LRRC4C: variants seen among roughly 807,000 people sequenced by gnomAD.
LRRC4C encodes leucine rich repeat containing 4C.
A neutral mutation model predicts 33.6 loss-of-function variants in LRRC4C; 5 were observed. That is an observed-to-expected ratio of 0.15 (90% confidence interval 0.08 to 0.31). LRRC4C has a LOEUF of 0.31. Among genes scored for constraint, LRRC4C ranks in the 10% least tolerant of loss-of-function variants. The pLI, the probability that LRRC4C is intolerant of heterozygous loss-of-function variation, is 1.00. For synonymous variants in LRRC4C, 329 were observed against 302.0 expected (o/e 1.09, Z -0.93); for missense variants, 560 against 796.7 (o/e 0.70, Z 3.58).
At chr11:40,527,577 G>A (rs968676321) in intron 3 of LRRC4C, among the ~76,000 whole-genome samples, 2 of 152,086 alleles carry the variant, frequency 1.3e-5, no homozygotes, top group African/African-American at 4.8e-5. Flanking sequence ...TTGCACAATA[G>A]GATGGATGGC....
intron 1 of LRRC4C, among the ~76,000 whole-genome samples, chr11:41,256,991 G>C (rs1445632763): frequency 6.6e-6 from 1 of 151,928 alleles, no homozygotes; most frequent in Admixed American, 6.6e-5. Context: ...TAAGAAGCTT[G>C]ATAGAAAATA....
intron 1 of LRRC4C, among the ~76,000 whole-genome samples, chr11:41,451,375 TTGTG>T (rs143793387): frequency 7.3e-4 from 110 of 151,076 alleles, no homozygotes; most frequent in Non-Finnish European, 1.3e-3. Context: ...GATATAGATT[TTGTG>T]TGTGTGTGTG....
intron 5 of LRRC4C, among the ~76,000 whole-genome samples, chr11:40,172,498 C>T (rs1423569199): frequency 6.6e-6 from 1 of 152,116 alleles, no homozygotes; most frequent in African/African-American, 2.4e-5. Flanking sequence ...TGAAATAAAT[C>T]CAAATTCTTT....
intron 1 of LRRC4C, among the ~76,000 whole-genome samples, chr11:41,244,190 T>G (rs11036315): frequency 0.18 from 27,393 of 150,322 alleles, 3,024 homozygotes; most frequent in East Asian, 0.44. Flanking sequence ...TCTATCTATC[T>G]ATCGATCGTA....
chr11:41,048,047 T>C (rs1857904601), intron 1 of LRRC4C, among the ~76,000 whole-genome samples: 1 of 152,194 alleles, frequency 6.6e-6, no homozygotes, highest in Admixed American at 6.5e-5. Context: ...GTCCCTGCCA[T>C]AACTTTTCTA....
intron 3 of LRRC4C, among the ~76,000 whole-genome samples, chr11:40,441,416 ACGATT>A (rs765288277): frequency 1.3e-5 from 2 of 152,202 alleles, no homozygotes; most frequent in Non-Finnish European, 2.9e-5. Context: ...GTTGTTTAGT[ACGATT>A]CGCTGTAACT....
chr11:40,791,178 G>A (rs1465222467), intron 2 of LRRC4C, among the ~76,000 whole-genome samples: 1 of 152,134 alleles, frequency 6.6e-6, no homozygotes, highest in African/African-American at 2.4e-5. Context: ...CCTGGTATAT[G>A]GGAATAAAGT....
At chr11:41,167,121 C>G (rs1393779435) in intron 1 of LRRC4C, among the ~76,000 whole-genome samples, 3 of 152,020 alleles carry the variant, frequency 2.0e-5, no homozygotes, top group Admixed American at 1.3e-4. Context: ...TAGATATATA[C>G]AGATGATATA....
chr11:41,273,131 G>C (rs922536820), intron 1 of LRRC4C, among the ~76,000 whole-genome samples: 21 of 152,084 alleles, frequency 1.4e-4, no homozygotes, highest in Non-Finnish European at 2.9e-4. Flanking sequence ...ATAAGGAAAA[G>C]GTAAAGTATA....
intron 2 of LRRC4C, among the ~76,000 whole-genome samples, chr11:40,684,203 ATATAT>A (rs1944843802): frequency 6.6e-6 from 1 of 152,178 alleles, no homozygotes; most frequent in Non-Finnish European, 1.5e-5. Context: ...TGTATGTTAC[ATATAT>A]TATAGACATA....
chr11:41,152,074 A>G (rs1205331195), intron 1 of LRRC4C, among the ~76,000 whole-genome samples: 2 of 152,090 alleles, frequency 1.3e-5, no homozygotes, highest in African/African-American at 4.8e-5. Flanking sequence ...TTCTCTGTTC[A>G]CTGTCCACGT....
chr11:40,992,526 C>T (rs1457328114), intron 1 of LRRC4C, among the ~76,000 whole-genome samples: 2 of 151,350 alleles, frequency 1.3e-5, no homozygotes, highest in African/African-American at 2.4e-5. Context: ...ATTTTCCTGA[C>T]CCTTATCAGA....
intron 1 of LRRC4C, among the ~76,000 whole-genome samples, chr11:41,032,572 A>G (rs1856792538): frequency 6.6e-6 from 1 of 152,036 alleles, no homozygotes; most frequent in African/African-American, 2.4e-5. Flanking sequence ...ATATTTTCCA[A>G]AATTGGTTCA....
chr11:40,501,138 AG>A (rs71060965), intron 3 of LRRC4C, among the ~76,000 whole-genome samples: 152,241 of 152,242 alleles, frequency 1, 76,120 homozygotes, highest in Non-Finnish European at 1. Flanking sequence ...CACTGGTGCA[AG>A]GGGGTGGGTT....
chr11:41,052,921 CT>C (rs765248383), intron 1 of LRRC4C, among the ~76,000 whole-genome samples: 9 of 152,134 alleles, frequency 5.9e-5, no homozygotes, highest in Non-Finnish European at 1.2e-4. Flanking sequence ...CCACCATCTT[CT>C]CAATCAAATT....
At chr11:41,196,809 CTTCACCAGGG>C (rs1295718603) in intron 1 of LRRC4C, among the ~76,000 whole-genome samples, 2 of 151,908 alleles carry the variant, frequency 1.3e-5, no homozygotes, top group Admixed American at 6.6e-5. Context: ...TTCAGGTCAG[CTTCACCAGGG>C]ACTAAAAATT....
chr11:40,347,586 T>G (rs1476011892), intron 3 of LRRC4C, among the ~76,000 whole-genome samples: 1 of 152,222 alleles, frequency 6.6e-6, no homozygotes, highest in Non-Finnish European at 1.5e-5. Flanking sequence ...ATGTGCAATA[T>G]TTCCTTTCAT....
chr11:40,763,466 C>A (rs1027771729), intron 2 of LRRC4C, among the ~76,000 whole-genome samples: 2 of 152,048 alleles, frequency 1.3e-5, no homozygotes, highest in Non-Finnish European at 2.9e-5. Flanking sequence ...CAACAAATAT[C>A]CACATAAAAA....
At chr11:40,137,155 C>T (rs1857035100) in intron 6 of LRRC4C, among the ~76,000 whole-genome samples, 2 of 145,010 alleles carry the variant, frequency 1.4e-5, no homozygotes, top group South Asian at 2.1e-4. Flanking sequence ...TATGTATGCA[C>T]GTGGGCACGT....
Sources: gnomAD v4.1 joint callset for allele counts (sites outside exome capture counted in the v4.1 genomes callset) on GRCh38, gnomAD v4.1.1 for gene constraint, MANE v1.5 for transcripts, NCBI Gene and HGNC (gene_info 2026-07-23, HGNC 2026-07-21) for gene names.